Variants in CYYR1 observed in about 807,000 individuals in gnomAD.
The protein encoded by CYYR1 is cysteine and tyrosine rich 1, also known as cysteine and tyrosine-rich protein 1.
A neutral mutation model predicts 15.2 loss-of-function variants in CYYR1; 14 were observed. The observed-to-expected ratio is 0.92, with a 90% CI of 0.61 to 1.44. The LOEUF is 1.44. CYYR1 is among the 40% of genes most tolerant of loss of function. CYYR1 has a pLI of 0.00. For synonymous variants in CYYR1, 80 were observed against 77.4 expected (o/e 1.03, Z -0.18); for missense variants, 228 against 209.5 (o/e 1.09, Z -0.54).
intron 2 of CYYR1, among the ~76,000 whole-genome samples, chr21:26,565,421 A>C (rs1195643622): frequency 6.6e-6 from 1 of 152,170 alleles, no homozygotes; most frequent in Non-Finnish European, 1.5e-5. Context: ...GAAAAACAAG[A>C]ACAGAAGACA....
chr21:26,474,047 C>T (rs1477066731), intron 3 of CYYR1, among the ~76,000 whole-genome samples: 3 of 101,360 alleles, frequency 3.0e-5, no homozygotes, highest in East Asian at 7.4e-4. Context: ...TTTTTGTTTT[C>T]GTTTTTTTTT....
intron 1 of CYYR1, chr21:26,568,930 C>CAACAGA (rs1980830870): frequency 6.6e-6 from 1 of 152,018 alleles, no homozygotes; most frequent in Admixed American, 6.6e-5. Flanking sequence ...GTCAAAAAAG[C>CAACAGA]AACAGATGCT....
intron 2 of CYYR1, among the ~76,000 whole-genome samples, chr21:26,495,400 G>A (rs1455023081): frequency 1.3e-5 from 2 of 152,120 alleles, no homozygotes; most frequent in African/African-American, 4.8e-5. Flanking sequence ...GTCTCAGAAG[G>A]GCCATGTGAC....
chr21:26,559,282 A>G (rs143366354), intron 2 of CYYR1, among the ~76,000 whole-genome samples: 1 of 152,184 alleles, frequency 6.6e-6, no homozygotes, highest in African/African-American at 2.4e-5. Context: ...TTGTGCACAC[A>G]CATTGCCCAT....
intron 2 of CYYR1, among the ~76,000 whole-genome samples, chr21:26,511,987 TAC>T (rs61382991): frequency 0.037 from 5,451 of 147,784 alleles, 299 homozygotes; most frequent in African/African-American, 0.12. Flanking sequence ...ATATCACACA[TAC>T]ACACACACAC....
At chr21:26,510,060 C>G (rs2065625418) in intron 2 of CYYR1, among the ~76,000 whole-genome samples, 1 of 152,164 alleles carries the variant, frequency 6.6e-6, no homozygotes, top group South Asian at 2.1e-4. Context: ...CACATGGCTT[C>G]AATTTAGGTA....
intron 1 of CYYR1, among the ~76,000 whole-genome samples, chr21:26,570,444 C>G (rs934126418): frequency 5.3e-5 from 8 of 152,138 alleles, no homozygotes; most frequent in African/African-American, 1.9e-4. Flanking sequence ...AGGGAGGAGA[C>G]AGAAGTTACT....
chr21:26,556,738 G>A (rs748293764), intron 2 of CYYR1, among the ~76,000 whole-genome samples: 1 of 152,008 alleles, frequency 6.6e-6, no homozygotes, highest in East Asian at 1.9e-4. Flanking sequence ...AGAAATCCAC[G>A]CCCATGATCC....
At chr21:26,564,534 A>G (rs1228789211) in intron 2 of CYYR1, 23 of 367,016 alleles carry the variant, frequency 6.3e-5, no homozygotes, top group Non-Finnish European at 8.3e-5. Context: ...GAGATTAAAG[A>G]TATAGAACAT....
chr21:26,510,727 C>T (rs1202638187), intron 2 of CYYR1, among the ~76,000 whole-genome samples: 2 of 152,210 alleles, frequency 1.3e-5, no homozygotes, highest in South Asian at 2.1e-4. Flanking sequence ...GTACTAAGTA[C>T]ATTTGTTGTC....
rs538362698 is a variant in CYYR1, at chr21:26,573,127, G to T, written c.-187C>A. On this transcript the variant is annotated 5_prime_UTR_variant, in exon 1 of 4. Coordinates refer to ENST00000652641, the MANE Select transcript of CYYR1 (RefSeq NM_001320768.2). ...GCGCGTCCCGGGCCAGCGACTGCGGGACTCCGCGGAGCTGGGGCGCCCGTG... is the reference window on the plus strand; with the variant it reads ...GCGCGTCCCGGGCCAGCGACTGCGGTACTCCGCGGAGCTGGGGCGCCCGTG... The T allele has an allele frequency of 6.7e-7, 1 of 1,503,482 alleles. No individual in the cohort carries two copies. Among genetic ancestry groups the T allele is most frequent in the South Asian group, 1.2e-5 (1 of 81,126 alleles). The allele number at this position is 1,503,482 out of a possible 1,614,324, so 93.1% of individuals were successfully genotyped here.
At chr21:26,503,454 A>T (rs1327784617) in intron 2 of CYYR1, 1 of 152,232 alleles carries the variant, frequency 6.6e-6, no homozygotes, top group Non-Finnish European at 1.5e-5. Flanking sequence ...ATATTTAATA[A>T]ATTAATTATA....
At chr21:26,519,683 G>A (rs947770640) in intron 2 of CYYR1, among the ~76,000 whole-genome samples, 1 of 152,120 alleles carries the variant, frequency 6.6e-6, no homozygotes, top group Admixed American at 6.5e-5. Flanking sequence ...GCTGGGCTGA[G>A]AACAGACTAT....
chr21:26,520,117 T>TATATATATATATATAG (rs2065784558), intron 2 of CYYR1, among the ~76,000 whole-genome samples: 1 of 57,282 alleles, frequency 1.7e-5, no homozygotes, highest in East Asian at 2.7e-4. Context: ...CCAGGAGATA[T>TATATATATATATATAG]ATATATATAT....
chr21:26,498,960 C>G (rs917645631), intron 2 of CYYR1, among the ~76,000 whole-genome samples: 1 of 152,122 alleles, frequency 6.6e-6, no homozygotes, highest in African/African-American at 2.4e-5. Flanking sequence ...ATTATGGGAA[C>G]TACAATTCAA....
At chr21:26,558,335 C>G (rs1285869947) in intron 2 of CYYR1, among the ~76,000 whole-genome samples, 1 of 152,096 alleles carries the variant, frequency 6.6e-6, no homozygotes, top group Non-Finnish European at 1.5e-5. Flanking sequence ...AATAATTATA[C>G]TTTCTTGAGA....
intron 3 of CYYR1, among the ~76,000 whole-genome samples, chr21:26,472,053 G>C (rs2065041509): frequency 6.6e-6 from 1 of 152,140 alleles, no homozygotes; most frequent in Non-Finnish European, 1.5e-5. Context: ...GGAAACAGAA[G>C]AAAATCATCC....
At chr21:26,525,441 C>T (rs2123578755) in intron 2 of CYYR1, among the ~76,000 whole-genome samples, 1 of 152,300 alleles carries the variant, frequency 6.6e-6, no homozygotes, top group Admixed American at 6.5e-5. Flanking sequence ...CCATGAGGGC[C>T]TCCCGCCTTG....
chr21:26,558,440 C>A (rs1291321081), intron 2 of CYYR1, among the ~76,000 whole-genome samples: 1 of 152,116 alleles, frequency 6.6e-6, no homozygotes, highest in Non-Finnish European at 1.5e-5. Flanking sequence ...CCACCTCAGC[C>A]TCCCGTGTAG....
Sources: gnomAD v4.1 joint callset for allele counts (sites outside exome capture counted in the v4.1 genomes callset) on GRCh38, gnomAD v4.1.1 for gene constraint, MANE v1.5 for transcripts, NCBI Gene and HGNC (gene_info 2026-07-23, HGNC 2026-07-21) for gene names.